ITGAL: variants seen among roughly 807,000 people sequenced by gnomAD.
ITGAL encodes integrin subunit alpha L.
Under a neutral mutation model 138.4 loss-of-function variants are expected in ITGAL, and 68 were observed. The ratio of observed to expected loss-of-function variants is 0.49; its 90% CI spans 0.40 to 0.60. ITGAL has a LOEUF of 0.60. ITGAL is among the 20% of genes least tolerant of loss of function. ITGAL has a pLI of 0.00. For missense variants in ITGAL, 1,256 were observed against 1,478.6 expected, an observed-to-expected ratio of 0.85 and a Z score of 2.47; for synonymous variants, 561 against 584.3, an observed-to-expected ratio of 0.96 and a Z score of 0.57.
chr16:30,502,638 C>T (rs1366955715), intron 17 of ITGAL, among the ~76,000 whole-genome samples: 1 of 151,148 alleles, frequency 6.6e-6, no homozygotes, highest in Non-Finnish European at 1.5e-5. Flanking sequence ...ATCCCAGCTA[C>T]TCAGGAGGCT....
rs767505172 is a variant in ITGAL at position 30,519,907 on chromosome 16, C to T, written c.3279C>T (p.Tyr1093=). The T allele has an allele frequency of 5.6e-5, 91 of 1,613,856 alleles. No homozygotes were observed. Among genetic ancestry groups the T allele is most frequent in the Middle Eastern group, 3.3e-4 (2 of 6,082 alleles). ...VVYEKQMLYL[Y]VLSGIGGLLL... ...ATGAGAAGCAGATGCTCTACCTCTA[C>T]GTGCTGAGCGGCATCGGGGGGCTGC... The change falls in exon 30 of 31, where the codon TAC becomes TAT. Residue 1093 remains tyrosine (Y), a synonymous_variant. Transcript: ENST00000356798.
intron 20 of ITGAL, 45 bp downstream of exon 20, chr16:30,505,507 T>C: frequency 7.1e-7 from 1 of 1,405,390 alleles, no homozygotes. Context: ...CACTCTGTTT[T>C]AAGACCCCCC....
chr16:30,513,843 C>T lies in ITGAL; in HGVS notation c.2859C>T (p.Tyr953=). The T allele has an allele frequency of 6.2e-7, 1 of 1,606,726 alleles. No homozygotes were observed. Among genetic ancestry groups the T allele is most frequent in the South Asian group, 1.1e-5 (1 of 90,934 alleles). ...GPKIHQVKHM[Y]QVRIQPSIHD... is the part of the protein sequence containing the mutation. ...AGATCCACCAAGTCAAGCACATGTA[C>T]CAGGTATGAATCCCAATGTGGAAGG... The change falls in exon 25 of 31, where the codon TAC becomes TAT. Residue 953 remains tyrosine (Y), a synonymous_variant. Transcript: ENST00000356798.
At chr16:30,475,161 C>T in intron 2 of ITGAL, 145 bp from the exon 3 acceptor site, 1 of 642,958 alleles carries the variant, frequency 1.6e-6, no homozygotes. Context: ...CATGAGCCAC[C>T]CCACCTGGCC....
Position 30,499,159 on chromosome 16 carries a change from A to C in ITGAL, c.1918A>C (p.Thr640Pro). The stretch of plus-strand genomic sequence containing the variant: ...GCATGAAGTGGAGTGCTCCTATTCA[A>C]CCAGTAACAAGATGAAAGAAGGAGT... ...PVHEVECSYS[T>P]SNKMKEGVNI... Residue 640 changes from threonine to proline, a missense_variant, in exon 16 of 31, where the codon ACC becomes CCC. Thr to Pro is a conservative substitution (Grantham distance 38, BLOSUM62 -1). Around this residue, in one of 3 missense-constraint regions of ITGAL, gnomAD observed 867 missense variants for 972.5 expected, o/e 0.89. Coordinates refer to ENST00000356798, the MANE Select transcript of ITGAL (RefSeq NM_002209.3). The C allele has an allele frequency of 6.2e-7, 1 of 1,613,984 alleles. No individual in the cohort carries two copies. The highest frequency in any genetic ancestry group is 8.5e-7 in the Non-Finnish European group (1 of 1,179,956).
rs1395694740 is a variant in ITGAL, at chr16:30,521,492, G to A, written c.3340G>A (p.Val1114Ile). ...TCGTTCAAATTTTGTCTTTGTACAG[G>A]TTGGTTTCTTCAAACGGAACCTGAA... ...LLLIFIVLYK[V>I]GFFKRNLKEK... The change falls in exon 31 of 31, where the codon GTT (valine) becomes ATT (isoleucine). Residue 1114 changes from valine (V) to isoleucine (I), a missense_variant and splice_region_variant. Val to Ile is a conservative substitution (Grantham distance 29). This residue lies in a region of ITGAL where 867 missense variants were observed against 972.5 expected (regional missense o/e 0.89). Transcript: ENST00000356798. The A allele has an allele frequency of 1.9e-6, 3 of 1,613,812 alleles. No homozygotes were observed. The highest frequency in any genetic ancestry group is 8.5e-7 in the Non-Finnish European group (1 of 1,179,890).
Position 30,481,525 on chromosome 16 carries a change from G to A in ITGAL, c.663G>A (p.Leu221=). The A allele has an allele frequency of 6.2e-7, 1 of 1,613,620 alleles. No individual in the cohort carries two copies. Among genetic ancestry groups the A allele is most frequent in the Non-Finnish European group, 8.5e-7 (1 of 1,179,688 alleles). ...AACGGAAGGACCCTGATGCTCTGCT[G>A]AAGCATGTAAAGCACATGTTGCTGT... The part of the protein sequence containing the change: ...YVKRKDPDAL[L]KHVKHMLLLT... Residue 221 remains leucine, a synonymous_variant, in exon 7 of 31, where the codon CTG becomes CTA. Coordinates refer to ENST00000356798, the MANE Select transcript of ITGAL (RefSeq NM_002209.3).
intron 28 of ITGAL, 115 bp from the exon 29 acceptor site, chr16:30,518,509 T>G (rs1597110914): frequency 1.4e-6 from 1 of 708,744 alleles, no homozygotes. Flanking sequence ...TAGAGATGGG[T>G]GCACCCCCCT....
Position 30,503,012 on chromosome 16 carries a change from AC to A in ITGAL, c.2146-1161del, listed in dbSNP as rs547645988. Among the ~76,000 whole-genome samples, 248 of 151,942 alleles carry A rather than the reference AC, an allele frequency of 1.6e-3. 3 individuals carry two copies. In the Middle Eastern group the frequency reaches 0.037, roughly 23 times the overall value. On this transcript the variant is annotated intron_variant, in intron 17 of 30. Coordinates refer to ENST00000356798, the MANE Select transcript of ITGAL (RefSeq NM_002209.3). ...GTATTTGTGATAGAGATGGGTTTTC[AC>A]CATGTTGGCCAGGCTGGTCTCAAAC... is the stretch of plus-strand genomic sequence containing the variant.
rs768883973 is a variant in ITGAL at position 30,474,288 on chromosome 16, G to T, written c.154G>T (p.Val52Phe). 14 of 1,604,494 alleles carry T rather than the reference G, an allele frequency of 8.7e-6. No individual in the cohort carries two copies. In the South Asian group the frequency reaches 1.6e-4, roughly 18 times the overall value. Residue 52 changes from valine to phenylalanine, a missense_variant, in exon 2 of 31, where the codon GTC becomes TTC. Val to Phe is a conservative substitution (Grantham distance 50). Transcript: ENST00000356798. ...GCACTTTGGATACCGCGTCCTGCAG[G>T]TCGGAAACGGGTGAGCTGTGCCCCA... ...GRHFGYRVLQ[V>F]GNGVIVGAPG...
chr16:30,521,100 TAAATA>T lies in ITGAL; in HGVS notation c.3340-379_3340-375del, dbSNP rs760554427. 2.2e-4 allele frequency among the ~76,000 whole-genome samples: 33 copies of T among 150,598 alleles called. No homozygotes were observed. In the East Asian group the frequency reaches 5.3e-3, roughly 24 times the overall value. ...ACTCCATCTCAAAAATAAAATAAAA[TAAATA>T]AAATAAAATAAAGTGTTCTCGCTGG... On this transcript the variant is annotated intron_variant, in intron 30 of 30. Coordinates refer to ENST00000356798, the MANE Select transcript of ITGAL (RefSeq NM_002209.3).
chr16:30,479,788 A>G (rs1048012901), intron 6 of ITGAL, among the ~76,000 whole-genome samples: 1 of 149,160 alleles, frequency 6.7e-6, no homozygotes, highest in African/African-American at 2.5e-5. Flanking sequence ...AGTAGCTGGT[A>G]TTACAGGCAA....
Position 30,499,482 on chromosome 16 carries a change from A to G in ITGAL, c.2138A>G (p.His713Arg), listed in dbSNP as rs2050852684. The part of the protein sequence containing the change: ...TSMSCTDFSF[H>R]FPVCVQDLIS... ...ATGTCATGCACTGACTTCTCATTTC[A>G]TTTCCCGGTAAGGGAGCCAGCGCCA... The change falls in exon 17 of 31, where the codon CAT (histidine) becomes CGT (arginine). Residue 713 changes from histidine (H) to arginine (R), a missense_variant. Physicochemically the swap from His to Arg is conservative, Grantham distance 29. Transcript: ENST00000356798. The G allele has an allele frequency of 6.2e-7, 1 of 1,613,144 alleles. No individual in the cohort carries two copies. Among genetic ancestry groups the G allele is most frequent in the African/African-American group, 1.3e-5 (1 of 74,728 alleles).
chr16:30,490,886 C>A (rs1324136528), intron 11 of ITGAL, among the ~76,000 whole-genome samples: 1 of 151,676 alleles, frequency 6.6e-6, no homozygotes, highest in Non-Finnish European at 1.5e-5. Context: ...AGGAGAATCA[C>A]TTGAACCTGG....
chr16:30,521,114 TAA>T (rs1052235563), intron 30 of ITGAL, among the ~76,000 whole-genome samples: 5 of 151,502 alleles, frequency 3.3e-5, no homozygotes, highest in African/African-American at 1.2e-4. Context: ...TAAAATAAAA[TAA>T]AGTGTTCTCG....
intron 21 of ITGAL, among the ~76,000 whole-genome samples, chr16:30,508,881 CA>C (rs1290113311): frequency 2.0e-5 from 3 of 146,528 alleles, no homozygotes; most frequent in Non-Finnish European, 4.5e-5. Flanking sequence ...AAACAAAAAA[CA>C]AAAAAAAAAC....
chr16:30,509,954 G>A (rs953210491), intron 21 of ITGAL, among the ~76,000 whole-genome samples: 10 of 151,752 alleles, frequency 6.6e-5, no homozygotes, highest in Non-Finnish European at 5.9e-5. Context: ...CAGGAGGATC[G>A]CTTGAGCCTG....
rs1398514242 is a variant in ITGAL at position 30,498,492 on chromosome 16, C to T, written c.1833-582C>T. ...AAATTCATGCAAGCATCACTGAAGG[C>T]TTAAACATAAGCATGAAAGTAACTC... On this transcript the variant is annotated intron_variant, in intron 15 of 30. Coordinates refer to ENST00000356798, the MANE Select transcript of ITGAL (RefSeq NM_002209.3). 3.3e-5 allele frequency among the ~76,000 whole-genome samples: 5 copies of T among 152,048 alleles called. No individual in the cohort carries two copies. The East Asian group carries it at 9.7e-4, about 29-fold the overall frequency.
chr16:30,483,809 C>G lies in ITGAL; in HGVS notation c.723-18C>G, dbSNP rs973073460. The G allele has an allele frequency of 6.3e-7, 1 of 1,597,470 alleles. No homozygotes were observed. The highest frequency in any genetic ancestry group is 1.3e-5 in the African/African-American group (1 of 74,476). On this transcript the variant is annotated intron_variant, in intron 7 of 30. Coordinates refer to ENST00000356798, the MANE Select transcript of ITGAL (RefSeq NM_002209.3). ...CTAGTTTGGGGGAGTCTCTCATCTC[C>G]TCCTTTCCTGGACACAGGACAGAGG... is the stretch of plus-strand genomic sequence containing the variant.
Sources: gnomAD v4.1 joint callset for allele counts (sites outside exome capture counted in the v4.1 genomes callset) on GRCh38, gnomAD v4.1.1 for gene constraint, gnomAD v4.1.1 regional missense constraint, MANE v1.5 for transcripts, NCBI Gene and HGNC (gene_info 2026-07-23, HGNC 2026-07-21) for gene names.